ZNF704: variants seen among roughly 807,000 people sequenced by gnomAD.
ZNF704 encodes glucocorticoid induced gene 1.
Under a neutral mutation model 44.7 loss-of-function variants are expected in ZNF704, and 10 were observed. That is an observed-to-expected ratio of 0.22 (90% confidence interval 0.14 to 0.38). ZNF704 has a LOEUF of 0.38. Among genes scored for constraint, ZNF704 ranks in the 10% least tolerant of loss-of-function variants. The pLI is 1.00. For missense variants in ZNF704, 390 were observed against 545.5 expected (o/e 0.71, Z 2.84); for synonymous variants, 211 against 207.6 (o/e 1.02, Z -0.14).
chr8:80,866,939 G>A (rs1809165376), intron 1 of ZNF704, among the ~76,000 whole-genome samples: 2 of 152,162 alleles, frequency 1.3e-5, no homozygotes, highest in Admixed American at 1.3e-4. Flanking sequence ...GGGGTAAGCA[G>A]ATTCAGGGTA....
upstream of ZNF704, among the ~76,000 whole-genome samples, chr8:80,877,844 C>G (rs1267807669): frequency 6.6e-6 from 1 of 151,982 alleles, no homozygotes; most frequent in African/African-American, 2.4e-5. Flanking sequence ...CATTAAGTGT[C>G]TACATGAAAA....
chr8:80,690,748 C>T (rs1033684411), intron 3 of ZNF704, among the ~76,000 whole-genome samples: 16 of 152,222 alleles, frequency 1.1e-4, no homozygotes, highest in African/African-American at 3.9e-4. Context: ...GTGGCTCCCA[C>T]CTGTAATCCC....
chr8:80,665,944 A>G (rs1442376299), intron 5 of ZNF704, among the ~76,000 whole-genome samples: 1 of 147,998 alleles, frequency 6.8e-6, no homozygotes, highest in Admixed American at 6.6e-5. Context: ...CCAGTCTCAG[A>G]TAGTTCTTTA....
intron 1 of ZNF704, among the ~76,000 whole-genome samples, chr8:80,858,071 G>A (rs187328687): frequency 2.2e-4 from 34 of 152,182 alleles, no homozygotes; most frequent in African/African-American, 7.5e-4. Context: ...AAAGTAATAT[G>A]TCTGAATTTT....
the ZNF704 span, among the ~76,000 whole-genome samples, chr8:80,880,261 C>T: frequency 7.2e-5 from 11 of 152,138 alleles, no homozygotes; most frequent in South Asian, 2.1e-4. Flanking sequence ...TGGCCCAGTC[C>T]GAATCATGAG....
chr8:80,852,736 CAT>C (rs1563577196), intron 1 of ZNF704, among the ~76,000 whole-genome samples: 1 of 152,282 alleles, frequency 6.6e-6, no homozygotes, highest in East Asian at 1.9e-4. Flanking sequence ...CGAAAAAACA[CAT>C]AATCACATTT....
At chr8:80,674,630 G>C (rs928078979) in intron 4 of ZNF704, among the ~76,000 whole-genome samples, 5 of 152,110 alleles carry the variant, frequency 3.3e-5, no homozygotes, top group African/African-American at 1.2e-4. Context: ...TGCCATGTGA[G>C]AATGGCACCA....
chr8:80,774,255 A>G (rs1008105716), intron 2 of ZNF704, among the ~76,000 whole-genome samples: 15 of 152,004 alleles, frequency 9.9e-5, no homozygotes, highest in Admixed American at 8.5e-4. Flanking sequence ...GTTTTGGTAG[A>G]GATGGGGTCT....
At chr8:80,641,507 G>C in intron 8 of ZNF704, 30 bp from the exon 9 acceptor site, 1 of 1,499,910 alleles carries the variant, frequency 6.7e-7, no homozygotes, top group South Asian at 1.2e-5. Context: ...GGTTAGTTTA[G>C]TGGGAGGAAT....
intron 6 of ZNF704, among the ~76,000 whole-genome samples, chr8:80,663,883 CCAT>C (rs1818142338): frequency 6.6e-6 from 1 of 151,988 alleles, no homozygotes; most frequent in Non-Finnish European, 1.5e-5. Context: ...GTACGCACCA[CCAT>C]GCCTGGCTAA....
At chr8:80,739,533 T>G (rs1051699071) in intron 2 of ZNF704, among the ~76,000 whole-genome samples, 1 of 152,208 alleles carries the variant, frequency 6.6e-6, no homozygotes, top group African/African-American at 2.4e-5. Context: ...CTAGTTCACC[T>G]GACCAACTAT....
chr8:80,875,542 G>A (rs570003966), upstream of ZNF704, among the ~76,000 whole-genome samples: 1 of 152,264 alleles, frequency 6.6e-6, no homozygotes, highest in East Asian at 1.9e-4. Context: ...GACCTCAGAT[G>A]ATTTGCCTGC....
chr8:80,857,802 TTAAG>T (rs1302984120), intron 1 of ZNF704, among the ~76,000 whole-genome samples: 2 of 152,218 alleles, frequency 1.3e-5, no homozygotes, highest in Non-Finnish European at 2.9e-5. Context: ...TATATCTTCC[TTAAG>T]TATTTTATAG....
At chr8:80,725,336 T>C (rs1332399495) in intron 2 of ZNF704, among the ~76,000 whole-genome samples, 2 of 152,206 alleles carry the variant, frequency 1.3e-5, no homozygotes, top group Non-Finnish European at 1.5e-5. Context: ...TGTATAAGTA[T>C]ATCCCATACA....
intron 4 of ZNF704, among the ~76,000 whole-genome samples, chr8:80,676,630 T>C (rs146607422): frequency 7.2e-5 from 11 of 152,142 alleles, no homozygotes; most frequent in African/African-American, 2.7e-4. Context: ...TGTATGAAGT[T>C]TGAGGATACT....
At chr8:80,851,982 A>G (rs1217927017) in intron 1 of ZNF704, among the ~76,000 whole-genome samples, 1 of 152,158 alleles carries the variant, frequency 6.6e-6, no homozygotes, top group African/African-American at 2.4e-5. Flanking sequence ...TGAGGAAAAA[A>G]AAGTCTGTGT....
At chr8:80,673,657 C>T (rs906451703) in intron 4 of ZNF704, among the ~76,000 whole-genome samples, 10 of 152,314 alleles carry the variant, frequency 6.6e-5, no homozygotes, top group South Asian at 4.1e-4. Flanking sequence ...GAATCAGTAT[C>T]CAGATGATTT....
intron 2 of ZNF704, among the ~76,000 whole-genome samples, chr8:80,702,459 A>G (rs1163880724): frequency 6.6e-6 from 1 of 152,222 alleles, no homozygotes; most frequent in Non-Finnish European, 1.5e-5. Flanking sequence ...TGGCTGTGCC[A>G]GAAGCCTGGG....
At chr8:80,737,710 TATG>T (rs781446398) in intron 2 of ZNF704, among the ~76,000 whole-genome samples, 7 of 152,174 alleles carry the variant, frequency 4.6e-5, no homozygotes, top group Non-Finnish European at 5.9e-5. Context: ...TTTCTGGACT[TATG>T]ATAGATTTAA....
Sources: allele counts gnomAD v4.1 joint callset (sites outside exome capture counted in the v4.1 genomes callset), GRCh38; gene constraint gnomAD v4.1.1; transcripts MANE v1.5; gene names NCBI Gene and HGNC (gene_info 2026-07-23, HGNC 2026-07-21).